Variants in SOX5 observed in about 807,000 individuals in gnomAD.
SOX5 encodes the protein SRY-box transcription factor 5.
SOX5 carries 9 observed loss-of-function variants against 92.0 expected under a neutral mutation model. The ratio of observed to expected loss-of-function variants is 0.10; its 90% CI spans 0.06 to 0.17. The LOEUF is 0.17. Among genes scored for constraint, SOX5 ranks in the 10% least tolerant of loss-of-function variants. The pLI, the probability that SOX5 is intolerant of heterozygous loss-of-function variation, is 1.00. For missense variants in SOX5, 642 were observed against 944.5 expected (o/e 0.68, Z 4.20); for synonymous variants, 344 against 336.3 (o/e 1.02, Z -0.25).
chr12:24,553,794 TG>T (rs1953464187), intron 1 of SOX5, among the ~76,000 whole-genome samples: 1 of 152,264 alleles, frequency 6.6e-6, no homozygotes, highest in Non-Finnish European at 1.5e-5. Flanking sequence ...GAAGAGCTTC[TG>T]GGTGGCCCCA....
chr12:24,387,056 T>C (rs2136436273), intron 1 of SOX5, among the ~76,000 whole-genome samples: 1 of 152,370 alleles, frequency 6.6e-6, no homozygotes, highest in African/African-American at 2.4e-5. Flanking sequence ...TAAATGATTA[T>C]ACTGGTATAT....
At chr12:23,676,239 A>T (rs533814036) in intron 6 of SOX5, among the ~76,000 whole-genome samples, 54 of 152,306 alleles carry the variant, frequency 3.5e-4, no homozygotes, top group Admixed American at 1.4e-3. Flanking sequence ...AAAAAAAGTA[A>T]TTATGTGAGG....
chr12:23,743,783 A>G (rs1391448308), intron 4 of SOX5, among the ~76,000 whole-genome samples: 1 of 152,202 alleles, frequency 6.6e-6, no homozygotes, highest in Non-Finnish European at 1.5e-5. Context: ...ACATTCCGTG[A>G]ATACTGTATT....
At chr12:23,761,359 T>C (rs2094557897) in intron 3 of SOX5, among the ~76,000 whole-genome samples, 1 of 152,160 alleles carries the variant, frequency 6.6e-6, no homozygotes, top group African/African-American at 2.4e-5. Flanking sequence ...AACAAATTTA[T>C]ATTTCCTCTC....
chr12:24,080,913 C>CA (rs1234284964), intron 4 of SOX5, among the ~76,000 whole-genome samples: 1 of 151,744 alleles, frequency 6.6e-6, no homozygotes, highest in East Asian at 1.9e-4. Context: ...TGAAGATTGC[C>CA]AAAAAAGTAA....
At chr12:23,616,501 G>A (rs555198506) in intron 8 of SOX5, among the ~76,000 whole-genome samples, 1 of 152,136 alleles carries the variant, frequency 6.6e-6, no homozygotes, top group African/African-American at 2.4e-5. Flanking sequence ...AGTAAGGAAG[G>A]GTATACTAAG....
intron 9 of SOX5, among the ~76,000 whole-genome samples, chr12:23,596,509 A>C (rs1952483164): frequency 6.6e-6 from 1 of 152,222 alleles, no homozygotes; most frequent in African/African-American, 2.4e-5. Flanking sequence ...TCTGACATTA[A>C]GAATAGTCCT....
intron 4 of SOX5, among the ~76,000 whole-genome samples, chr12:24,002,249 A>AG (rs1027281150): frequency 6.6e-6 from 1 of 151,786 alleles, no homozygotes; most frequent in African/African-American, 2.4e-5. Flanking sequence ...AAAACAAGAG[A>AG]GAAAAAATCA....
chr12:23,794,678 A>G (rs975293057), intron 3 of SOX5, among the ~76,000 whole-genome samples: 20 of 152,272 alleles, frequency 1.3e-4, no homozygotes, highest in Admixed American at 1.1e-3. Flanking sequence ...TATTTCTGTA[A>G]AAATATACAA....
intron 4 of SOX5, among the ~76,000 whole-genome samples, chr12:24,011,594 C>T (rs77313049): frequency 0.016 from 2,454 of 152,142 alleles, 60 homozygotes; most frequent in South Asian, 0.063. Flanking sequence ...CAAGTTATTC[C>T]TTTGTGGTAA....
chr12:23,789,861 C>T (rs536992796), intron 3 of SOX5, among the ~76,000 whole-genome samples: 3 of 152,218 alleles, frequency 2.0e-5, no homozygotes, highest in Middle Eastern at 3.4e-3. Context: ...TACATAGAAA[C>T]ACTGATACAT....
At chr12:24,068,954 G>A (rs1198508628) in intron 4 of SOX5, among the ~76,000 whole-genome samples, 1 of 150,430 alleles carries the variant, frequency 6.6e-6, no homozygotes, top group Non-Finnish European at 1.5e-5. Flanking sequence ...AGTCCAAGGA[G>A]TTAGCATAGC....
chr12:24,067,565 C>A (rs944824462), intron 4 of SOX5, among the ~76,000 whole-genome samples: 2 of 151,942 alleles, frequency 1.3e-5, no homozygotes, highest in Admixed American at 1.3e-4. Flanking sequence ...TAAAGCAAAA[C>A]GAGATTATTC....
chr12:24,426,241 T>G (rs1201370495), intron 1 of SOX5, among the ~76,000 whole-genome samples: 1 of 148,068 alleles, frequency 6.8e-6, no homozygotes, highest in African/African-American at 2.5e-5. Context: ...CACTGCATAT[T>G]CTCACTCATA....
At chr12:23,912,499 C>T (rs1296677209) in intron 1 of SOX5, among the ~76,000 whole-genome samples, 1 of 152,068 alleles carries the variant, frequency 6.6e-6, no homozygotes, top group Non-Finnish European at 1.5e-5. Context: ...ATACCCAAGA[C>T]AATTGAAAAC....
At chr12:24,443,822 GC>G (rs1941042264) in intron 1 of SOX5, among the ~76,000 whole-genome samples, 2 of 152,218 alleles carry the variant, frequency 1.3e-5, no homozygotes. Flanking sequence ...AGGAAAAGCA[GC>G]TTTTTCAACA....
chr12:23,904,490 T>C (rs374408598), intron 1 of SOX5, among the ~76,000 whole-genome samples: 1 of 152,192 alleles, frequency 6.6e-6, no homozygotes, highest in African/African-American at 2.4e-5. Flanking sequence ...ATCTTCACTA[T>C]GTATTTCACC....
intron 3 of SOX5, among the ~76,000 whole-genome samples, chr12:23,807,929 C>T (rs1029042335): frequency 2.6e-5 from 4 of 152,150 alleles, no homozygotes; most frequent in Admixed American, 2.6e-4. Flanking sequence ...ATTACAGGTG[C>T]AAGCCACTGC....
At chr12:23,913,193 A>G (rs933018259) in intron 1 of SOX5, among the ~76,000 whole-genome samples, 1 of 152,128 alleles carries the variant, frequency 6.6e-6, no homozygotes, top group African/African-American at 2.4e-5. Flanking sequence ...TCAAATATAA[A>G]ATTTTTTTAT....
Sources: allele counts gnomAD v4.1 joint callset (sites outside exome capture counted in the v4.1 genomes callset), GRCh38; gene constraint gnomAD v4.1.1; transcripts MANE v1.5; gene names NCBI Gene and HGNC (gene_info 2026-07-23, HGNC 2026-07-21).